PRKCA: variants seen among roughly 807,000 people sequenced by gnomAD.
The protein encoded by PRKCA is protein kinase C alpha, also known as protein kinase C alpha type.
A neutral mutation model predicts 87.0 loss-of-function variants in PRKCA; 27 were observed. The ratio of observed to expected loss-of-function variants is 0.31; its 90% CI spans 0.23 to 0.43. PRKCA has a LOEUF of 0.43. Ranked by LOEUF, PRKCA falls within the 20% of genes least tolerant of loss-of-function variation. The pLI, the probability that PRKCA is intolerant of heterozygous loss-of-function variation, is 1.00. For synonymous variants in PRKCA, 329 were observed against 311.1 expected (o/e 1.06, Z -0.61); for missense variants, 518 against 852.3 (o/e 0.61, Z 4.88).
At chr17:66,314,730 A>G (rs1175915213) in intron 2 of PRKCA, among the ~76,000 whole-genome samples, 2 of 152,212 alleles carry the variant, frequency 1.3e-5, no homozygotes, top group African/African-American at 2.4e-5. Flanking sequence ...GGATGGGTCA[A>G]TGAGGGTCCA....
intron 2 of PRKCA, among the ~76,000 whole-genome samples, chr17:66,345,582 G>T (rs140646145): frequency 4.3e-4 from 65 of 152,262 alleles, no homozygotes; most frequent in African/African-American, 1.5e-3. Context: ...GAGCTCCAGG[G>T]TCAGGGACCA....
chr17:66,772,692 C>T (rs1292355885), intron 13 of PRKCA, among the ~76,000 whole-genome samples: 1 of 152,118 alleles, frequency 6.6e-6, no homozygotes, highest in Non-Finnish European at 1.5e-5. Context: ...CCCTGCCATA[C>T]TTAGAAATTC....
rs988323810 is a variant in PRKCA at position 66,458,187 on chromosome 17, G to A, written c.206-38014G>A. 1.2e-4 allele frequency among the ~76,000 whole-genome samples: 18 copies of A among 152,200 alleles called. 2 individuals carry two copies. Among genetic ancestry groups the A allele is most frequent in the Admixed American group, 1.1e-3 (17 of 15,284 alleles). ...ATTTTTAAAAGTTGAGTTATTATTG[G>A]AACATGAAAGAAAGCCTATTTCGCA... is the stretch of plus-strand genomic sequence containing the variant. On this transcript the variant is annotated intron_variant, in intron 2 of 16. Transcript: ENST00000413366.
intron 13 of PRKCA, among the ~76,000 whole-genome samples, chr17:66,772,456 A>G (rs1974955299): frequency 6.6e-6 from 1 of 152,096 alleles, no homozygotes; most frequent in Non-Finnish European, 1.5e-5. Context: ...ACATGCAGAA[A>G]GTTTTATGTC....
At chr17:66,694,416 G>C (rs536304551) in intron 8 of PRKCA, among the ~76,000 whole-genome samples, 3 of 149,086 alleles carry the variant, frequency 2.0e-5, no homozygotes, top group African/African-American at 7.5e-5. Flanking sequence ...AGGAGGTGGA[G>C]GTTGCAGTGA....
At chr17:66,319,751 T>G (rs1307909129) in intron 2 of PRKCA, among the ~76,000 whole-genome samples, 1 of 151,962 alleles carries the variant, frequency 6.6e-6, no homozygotes, top group African/African-American at 2.4e-5. Context: ...TTTTTTTAAT[T>G]TTTTATTTGA....
chr17:66,654,868 G>A (rs1971692555), intron 5 of PRKCA, among the ~76,000 whole-genome samples: 1 of 152,198 alleles, frequency 6.6e-6, no homozygotes, highest in Admixed American at 6.5e-5. Context: ...GCAGAAGGAT[G>A]GAAACAAGCC....
chr17:66,679,239 G>C (rs534538961), intron 5 of PRKCA, among the ~76,000 whole-genome samples: 1 of 150,284 alleles, frequency 6.7e-6, no homozygotes, highest in Admixed American at 6.6e-5. Context: ...GGAGTGCAGT[G>C]GCGCAATCTG....
At position 66,688,339 on chromosome 17, in the gene PRKCA, G is replaced by C; in HGVS notation, c.724G>C (p.Val242Leu). 6.2e-7 allele frequency: 1 copy of C among 1,614,204 alleles called. No individual in the cohort carries two copies. The highest frequency in any genetic ancestry group is 8.5e-7 in the Non-Finnish European group (1 of 1,180,026). The stretch of plus-strand genomic sequence containing the variant: ...TTCAGACAAAGACCGACGACTGTCT[G>C]TAGAAATCTGGGACTGGGATCGAAC... ...KPSDKDRRLS[V>L]EIWDWDRTTR... Residue 242 changes from valine (V) to leucine (L), a missense_variant, in exon 7 of 17, where the codon GTA (valine) becomes CTA (leucine). Physicochemically the swap from Val to Leu is conservative, Grantham distance 32. Coordinates refer to ENST00000413366, the MANE Select transcript of PRKCA (RefSeq NM_002737.3).
chr17:66,447,797 C>T (rs1052570180), intron 2 of PRKCA, among the ~76,000 whole-genome samples: 2 of 152,222 alleles, frequency 1.3e-5, no homozygotes, highest in African/African-American at 2.4e-5. Flanking sequence ...ATGTGGCTAC[C>T]TCCTCACGTC....
chr17:66,732,544 G>T, intron 8 of PRKCA, 144 bp from the exon 9 acceptor site: 2 of 964,530 alleles, frequency 2.1e-6, no homozygotes, highest in Non-Finnish European at 3.2e-6. Context: ...TATCTGAACA[G>T]GTACTCAATT....
Position 66,738,748 on chromosome 17 carries a change from G to A in PRKCA, c.1231-16G>A, listed in dbSNP as rs375622730. 41 of 1,610,738 alleles carry A rather than the reference G, an allele frequency of 2.5e-5. No individual in the cohort carries two copies. The highest frequency in any genetic ancestry group is 3.1e-5 in the Non-Finnish European group (36 of 1,177,504). On this transcript the variant is annotated splice_polypyrimidine_tract_variant and intron_variant, in intron 10 of 16. Coordinates refer to ENST00000413366, the MANE Select transcript of PRKCA (RefSeq NM_002737.3). ...TGGGGAGGAGCCCTGCTCATGTGTT[G>A]AACCTTGGTCTGCAGGATCGGCTGT... is the stretch of plus-strand genomic sequence containing the variant.
Position 66,332,907 on chromosome 17 carries a change from G to A in PRKCA, c.205+26780G>A, listed in dbSNP as rs536986061. ...GGGGTTTCACCATGTTAGCCAGGATGGTCTCAATCTCCTGACCTTGTGATC... is the reference window on the plus strand; with the variant it reads ...GGGGTTTCACCATGTTAGCCAGGATAGTCTCAATCTCCTGACCTTGTGATC... On this transcript the variant is annotated intron_variant, in intron 2 of 16. Transcript: ENST00000413366. Among the ~76,000 whole-genome samples the A allele has an allele frequency of 6.6e-5, 10 of 152,214 alleles. No homozygotes were observed. In the East Asian group the frequency reaches 1.9e-3, roughly 29 times the overall value.
chr17:66,702,188 A>G (rs1229125845), intron 8 of PRKCA, among the ~76,000 whole-genome samples: 3 of 151,040 alleles, frequency 2.0e-5, no homozygotes, highest in Non-Finnish European at 3.0e-5. Context: ...TCAATTGTGT[A>G]TACACATATA....
chr17:66,620,161 C>T lies in PRKCA; in HGVS notation c.289-21194C>T, dbSNP rs565585776. 1.8e-4 allele frequency among the ~76,000 whole-genome samples: 28 copies of T among 152,332 alleles called. 1 individual carries two copies. In the East Asian group the frequency reaches 5.2e-3, roughly 28 times the overall value. ...GTGAATACTCATCAAAGAAATTATC[C>T]ATGCCGCTTCTTTCTAACTCAGTGA... On this transcript the variant is annotated intron_variant, in intron 3 of 16. Transcript: ENST00000413366.
chr17:66,780,340 G>A (rs895333877), intron 14 of PRKCA, among the ~76,000 whole-genome samples: 2 of 151,910 alleles, frequency 1.3e-5, no homozygotes, highest in East Asian at 1.9e-4. Flanking sequence ...TGCAACAGTC[G>A]GTGAAAAACA....
At chr17:66,525,533 C>T (rs561583122) in intron 3 of PRKCA, among the ~76,000 whole-genome samples, 4 of 152,138 alleles carry the variant, frequency 2.6e-5, no homozygotes, top group South Asian at 2.1e-4. Context: ...GACAGATTAG[C>T]GCTGGCACGT....
At position 66,805,073 on chromosome 17, in the gene PRKCA, T is replaced by C; in HGVS notation, c.*1036T>C. 2.0e-6 allele frequency: 2 copies of C among 982,488 alleles called. No individual in the cohort carries two copies. Among genetic ancestry groups the C allele is most frequent in the South Asian group, 9.4e-5 (2 of 21,230 alleles). The allele number at this position is 982,488 out of a possible 1,614,324, so 60.9% of individuals were successfully genotyped here. On this transcript the variant is annotated 3_prime_UTR_variant, in exon 17 of 17. Coordinates refer to ENST00000413366, the MANE Select transcript of PRKCA (RefSeq NM_002737.3). ...CTTAATGGAAGTGCTGACTCTAGCA[T>C]CAGCCTCTACCGATTGATTTTCCTC...
At chr17:66,408,859 C>T (rs1911578580) in intron 2 of PRKCA, among the ~76,000 whole-genome samples, 1 of 151,710 alleles carries the variant, frequency 6.6e-6, no homozygotes, top group Non-Finnish European at 1.5e-5. Flanking sequence ...CAAGACCAGC[C>T]TGGCCAACAC....
Sources: allele counts gnomAD v4.1 joint callset (sites outside exome capture counted in the v4.1 genomes callset), GRCh38; gene constraint gnomAD v4.1.1; transcripts MANE v1.5; gene names NCBI Gene and HGNC (gene_info 2026-07-23, HGNC 2026-07-21).